CDS2: variants seen among roughly 807,000 people sequenced by gnomAD.
CDS2 encodes phosphatidate cytidylyltransferase 2.
CDS2 carries 47 observed loss-of-function variants against 59.0 expected under a neutral mutation model. The ratio of observed to expected loss-of-function variants is 0.80; its 90% CI spans 0.63 to 1.02. The LOEUF is 1.02. Ranked by LOEUF, CDS2 falls within the 50% of genes least tolerant of loss-of-function variation. CDS2 has a pLI of 0.00. For missense variants in CDS2, 356 were observed against 558.9 expected (o/e 0.64, Z 3.66); for synonymous variants, 207 against 206.4 (o/e 1.00, Z -0.02).
chr20:5,138,374 T>A (rs185754704), intron 1 of CDS2, among the ~76,000 whole-genome samples: 14 of 152,350 alleles, frequency 9.2e-5, no homozygotes, highest in Admixed American at 9.1e-4. Context: ...ATGTGTGTTC[T>A]TGGTTCCTTT....
At position 5,190,525 on chromosome 20, in the gene CDS2, G is replaced by A. The variant is rs1443390425; in HGVS notation, c.*291G>A. 4.3e-6 allele frequency: 1 copy of A among 231,488 alleles called. No homozygotes were observed. The highest frequency in any genetic ancestry group is 8.7e-5 in the East Asian group (1 of 11,434). The allele number at this position is 231,488 out of a possible 1,614,324, so 14.3% of individuals were successfully genotyped here. A position where few individuals can be genotyped will look rare whatever the true frequency, so the allele number is the denominator to read the frequency against. The stretch of plus-strand genomic sequence containing the variant: ...TATTAATAATCTGGAAGACAGTGTT[G>A]CCCAGGTCAGGAGTGTTTTCTTGGT... On this transcript the variant is annotated 3_prime_UTR_variant, in exon 13 of 13. Coordinates refer to ENST00000460006, the MANE Select transcript of CDS2 (RefSeq NM_003818.4).
rs541516916 is a variant in CDS2 at position 5,196,918 on chromosome 20, T to C, written c.*6684T>C. The C allele has an allele frequency of 1.3e-5, 2 of 152,578 alleles. No homozygotes were observed. The highest frequency in any genetic ancestry group is 1.9e-4 in the East Asian group (1 of 5,168). The allele number at this position is 152,578 out of a possible 1,614,324, so 9.5% of individuals were successfully genotyped here. A position where few individuals can be genotyped will look rare whatever the true frequency, so the allele number is the denominator to read the frequency against. On this transcript the variant is annotated 3_prime_UTR_variant, in exon 13 of 13. Coordinates refer to ENST00000460006, the MANE Select transcript of CDS2 (RefSeq NM_003818.4). Reference sequence around the variant, plus strand: ...TAGGAGACAGCGGTTTGGTTTATTGTTATCCAGCTGGAGGACTCCTAGGGG... The same window carrying C: ...TAGGAGACAGCGGTTTGGTTTATTGCTATCCAGCTGGAGGACTCCTAGGGG...
At chr20:5,152,812 C>A (rs1412937452) in intron 1 of CDS2, among the ~76,000 whole-genome samples, 34 of 152,196 alleles carry the variant, frequency 2.2e-4, no homozygotes, top group Admixed American at 2.2e-3. Flanking sequence ...GGTTTTCTTC[C>A]TCCTCTTGAG....
At chr20:5,143,663 C>G (rs2090714759) in intron 1 of CDS2, among the ~76,000 whole-genome samples, 1 of 136,824 alleles carries the variant, frequency 7.3e-6, no homozygotes, top group Non-Finnish European at 1.5e-5. Flanking sequence ...GAGTCTTGCT[C>G]TGTCATCCAG....
intron 1 of CDS2, among the ~76,000 whole-genome samples, chr20:5,145,723 C>T (rs968727534): frequency 6.6e-6 from 1 of 152,010 alleles, no homozygotes; most frequent in Admixed American, 6.6e-5. Context: ...CCTTGCTGTA[C>T]TTACTGACAT....
chr20:5,145,400 A>T (rs991508936), intron 1 of CDS2, among the ~76,000 whole-genome samples: 2 of 152,064 alleles, frequency 1.3e-5, no homozygotes, highest in Non-Finnish European at 2.9e-5. Context: ...TCTGCAGGTG[A>T]GTCTGGGAAT....
intron 1 of CDS2, among the ~76,000 whole-genome samples, chr20:5,151,428 C>T (rs1031537430): frequency 2.0e-5 from 3 of 152,110 alleles, no homozygotes; most frequent in African/African-American, 7.2e-5. Flanking sequence ...ACATTTACTT[C>T]ATTTACTACA....
intron 1 of CDS2, among the ~76,000 whole-genome samples, chr20:5,169,086 C>G (rs1163456460): frequency 6.6e-6 from 1 of 152,210 alleles, no homozygotes; most frequent in Non-Finnish European, 1.5e-5. Flanking sequence ...GGAGCTTCCC[C>G]CTTCCTTTAA....
intron 1 of CDS2, among the ~76,000 whole-genome samples, chr20:5,170,073 G>A (rs181569831): frequency 6.6e-6 from 1 of 152,192 alleles, no homozygotes; most frequent in Admixed American, 6.5e-5. Flanking sequence ...CATCGGGGTC[G>A]CATTGGTCAT....
At chr20:5,173,128 T>C (rs1325031268) in intron 1 of CDS2, among the ~76,000 whole-genome samples, 1 of 152,268 alleles carries the variant, frequency 6.6e-6, no homozygotes, top group Non-Finnish European at 1.5e-5. Context: ...CCTCACCACC[T>C]GGCTTCCCCT....
intron 1 of CDS2, among the ~76,000 whole-genome samples, chr20:5,150,369 G>A (rs533900755): frequency 6.6e-6 from 1 of 152,346 alleles, no homozygotes; most frequent in South Asian, 2.1e-4. Flanking sequence ...TTGAACCCAG[G>A]TGTGCTGAAT....
In CDS2 at chr20:5,197,025, C is replaced by A. The variant is rs796117906; in HGVS notation, c.*6791C>A. ...CAGACTCTAACAGATGCCAGCTGAA[C>A]GCTCGCTGGCCCTGGATGTCATACG... On this transcript the variant is annotated 3_prime_UTR_variant, in exon 13 of 13. Coordinates refer to ENST00000460006, the MANE Select transcript of CDS2 (RefSeq NM_003818.4). 1 of 152,188 alleles carries A rather than the reference C, an allele frequency of 6.6e-6. No homozygotes were observed. The highest frequency in any genetic ancestry group is 2.4e-5 in the African/African-American group (1 of 41,434). 9.4% of individuals were successfully genotyped at this position (152,188 alleles called of 1,614,324 possible).
At chr20:5,145,579 A>C (rs1249196948) in intron 1 of CDS2, among the ~76,000 whole-genome samples, 1 of 151,584 alleles carries the variant, frequency 6.6e-6, no homozygotes, top group East Asian at 1.9e-4. Flanking sequence ...CCTGAAGTAC[A>C]CTCTTGGCTG....
At chr20:5,148,094 G>T (rs542180610) in intron 1 of CDS2, among the ~76,000 whole-genome samples, 11 of 152,210 alleles carry the variant, frequency 7.2e-5, no homozygotes, top group Non-Finnish European at 1.5e-4. Flanking sequence ...ACAAAATTGT[G>T]TGGAAATGAC....
intron 1 of CDS2, among the ~76,000 whole-genome samples, chr20:5,169,023 C>A (rs2090935230): frequency 6.6e-6 from 1 of 152,248 alleles, no homozygotes; most frequent in Non-Finnish European, 1.5e-5. Context: ...ATCCTAAGTG[C>A]TTCTGCCTTT....
chr20:5,185,942 T>TGGCA lies in CDS2; in HGVS notation c.828+117_828+120dup. The TGGCA allele has an allele frequency of 2.1e-6, 2 of 968,308 alleles. 1 individual carries two copies. The highest frequency in any genetic ancestry group is 3.2e-6 in the Non-Finnish European group (2 of 630,366). 60.0% of individuals were successfully genotyped at this position (968,308 alleles called of 1,614,324 possible). Reference sequence around the variant, plus strand: ...TGGAGGCCAGGACTGTCCTGCTGAATGGCAACCTTGCCCTGAAGAGGGCCA... The same window carrying TGGCA: ...TGGAGGCCAGGACTGTCCTGCTGAATGGCAGGCAACCTTGCCCTGAAGAGGGCCA... On this transcript the variant is annotated intron_variant, in intron 9 of 12. Transcript: ENST00000460006.
At position 5,191,188 on chromosome 20, in the gene CDS2, C is replaced by T. The variant is rs971020834; in HGVS notation, c.*954C>T. Reference sequence around the variant, plus strand: ...TTACTCTTAAGAGGAGTGTGTGTGTCTGTGTTTGTTTTAAAAGTCACTTAT... The same window carrying T: ...TTACTCTTAAGAGGAGTGTGTGTGTTTGTGTTTGTTTTAAAAGTCACTTAT... On this transcript the variant is annotated 3_prime_UTR_variant, in exon 13 of 13. Coordinates refer to ENST00000460006, the MANE Select transcript of CDS2 (RefSeq NM_003818.4). The T allele has an allele frequency of 1.3e-5, 2 of 152,594 alleles. No homozygotes were observed. Among genetic ancestry groups the T allele is most frequent in the Non-Finnish European group, 2.9e-5 (2 of 68,036 alleles). 9.5% of individuals were successfully genotyped at this position (152,594 alleles called of 1,614,324 possible).
intron 1 of CDS2, among the ~76,000 whole-genome samples, chr20:5,153,876 T>A (rs2090811835): frequency 1.3e-5 from 2 of 152,208 alleles, no homozygotes; most frequent in Non-Finnish European, 1.5e-5. Flanking sequence ...AGACATTTGC[T>A]TTTGCTTTGG....
intron 1 of CDS2, among the ~76,000 whole-genome samples, chr20:5,172,904 T>G (rs1049897041): frequency 4.6e-5 from 7 of 152,084 alleles, no homozygotes; most frequent in Admixed American, 2.6e-4. Context: ...GGGAGCAGGG[T>G]GACTTCCTGT....
Sources: gnomAD v4.1 joint callset for allele counts (sites outside exome capture counted in the v4.1 genomes callset) on GRCh38, gnomAD v4.1.1 for gene constraint, MANE v1.5 for transcripts, NCBI Gene and HGNC (gene_info 2026-07-23, HGNC 2026-07-21) for gene names.